The following PCDHA12 variants were observed in gnomAD, a reference collection of about 807,000 sequenced individuals.
PCDHA12 encodes protocadherin alpha-12.
PCDHA12 carries 44 observed loss-of-function variants against 60.0 expected under a neutral mutation model. The ratio of observed to expected loss-of-function variants is 0.73; its 90% CI spans 0.58 to 0.94. The LOEUF (loss-of-function observed/expected upper bound fraction) is 0.94, where lower values mean the gene tolerates loss of function less well. PCDHA12 is among the 40% of genes least tolerant of loss of function. The pLI is 0.00. For synonymous variants in PCDHA12, 569 were observed against 553.0 expected (o/e 1.03, Z -0.40); for missense variants, 1,276 against 1,239.7 (o/e 1.03, Z -0.44).
intron 1 of PCDHA12, among the ~76,000 whole-genome samples, chr5:140,878,484 A>G (rs1285844908): frequency 6.6e-6 from 1 of 152,190 alleles, no homozygotes; most frequent in African/African-American, 2.4e-5. Flanking sequence ...CAATTTAAAA[A>G]TATTTAACCA....
Position 140,876,184 on chromosome 5 carries a change from A to T in PCDHA12, c.712A>T (p.Asn238Tyr). The change falls in exon 1 of 4, where the codon AAT becomes TAT. Residue 238 changes from asparagine to tyrosine, a missense_variant. Transcript: ENST00000398631. ...IQITVLDVNDNGPAFDKPSYK... is the reference protein window; with the variant it reads ...IQITVLDVNDYGPAFDKPSYK... ...AATAACCGTCCTGGATGTGAATGAC[A>T]ATGGTCCGGCGTTTGATAAGCCCAG... 6.2e-7 allele frequency: 1 copy of T among 1,613,968 alleles called. No homozygotes were observed.
chr5:140,925,762 T>G (rs1172229426), intron 1 of PCDHA12, among the ~76,000 whole-genome samples: 3 of 152,052 alleles, frequency 2.0e-5, no homozygotes, highest in African/African-American at 7.2e-5. Flanking sequence ...ACAGAGTAGT[T>G]TCCTGGTCAA....
At chr5:141,009,001 A>G (rs1373262105) in intron 3 of PCDHA12, among the ~76,000 whole-genome samples, 1 of 152,246 alleles carries the variant, frequency 6.6e-6, no homozygotes, top group East Asian at 1.9e-4. Flanking sequence ...TAAAAGGAGC[A>G]TATTTTGCCT....
intron 1 of PCDHA12, among the ~76,000 whole-genome samples, chr5:140,943,845 C>A (rs59104695): frequency 3.3e-5 from 5 of 152,226 alleles, no homozygotes; most frequent in Admixed American, 1.3e-4. Flanking sequence ...TGTAAGATGT[C>A]ACAGAAGTCA....
intron 1 of PCDHA12, among the ~76,000 whole-genome samples, chr5:140,891,739 C>T (rs1433506044): frequency 4.6e-5 from 7 of 152,116 alleles, no homozygotes; most frequent in Non-Finnish European, 2.9e-5. Flanking sequence ...AATTCAATCC[C>T]TTATACAACA....
chr5:140,939,481 A>G (rs1554212745), intron 1 of PCDHA12, among the ~76,000 whole-genome samples: 2 of 152,206 alleles, frequency 1.3e-5, no homozygotes, highest in Non-Finnish European at 2.9e-5. Flanking sequence ...CTTCATGAGA[A>G]TGTTAATTAT....
chr5:141,007,481 T>C (rs2098332347), intron 3 of PCDHA12, among the ~76,000 whole-genome samples: 1 of 151,600 alleles, frequency 6.6e-6, no homozygotes, highest in Non-Finnish European at 1.5e-5. Context: ...GGCACGAGAA[T>C]TACTTGGACC....
chr5:140,929,307 C>T (rs149565434), intron 1 of PCDHA12: 10 of 1,570,046 alleles, frequency 6.4e-6, no homozygotes, highest in Admixed American at 1.8e-5. Context: ...AAGGGGATCA[C>T]GCTAATGTCA....
At chr5:140,895,437 C>A (rs1250254286) in intron 1 of PCDHA12, among the ~76,000 whole-genome samples, 3 of 152,172 alleles carry the variant, frequency 2.0e-5, no homozygotes, top group Non-Finnish European at 2.9e-5. Context: ...TCCTGAGACT[C>A]TTTTCATGTG....
At chr5:140,947,362 C>T (rs1378703066) in intron 1 of PCDHA12, among the ~76,000 whole-genome samples, 2 of 151,632 alleles carry the variant, frequency 1.3e-5, no homozygotes, top group Admixed American at 6.6e-5. Context: ...TATTTCACTC[C>T]TTTGATCTAT....
chr5:140,947,586 A>G (rs958279437), intron 1 of PCDHA12, among the ~76,000 whole-genome samples: 1 of 151,670 alleles, frequency 6.6e-6, no homozygotes, highest in Non-Finnish European at 1.5e-5. Context: ...TAACATTTAG[A>G]TCAATTTAGG....
intron 1 of PCDHA12, chr5:140,967,032 A>G (rs2096085772): frequency 6.2e-7 from 1 of 1,610,180 alleles, no homozygotes; most frequent in African/African-American, 1.3e-5. Context: ...AGTCCGCGCT[A>G]CCTGGAGCTG....
chr5:140,910,103 T>C (rs1485345908), intron 1 of PCDHA12, among the ~76,000 whole-genome samples: 2 of 152,192 alleles, frequency 1.3e-5, no homozygotes, highest in Admixed American at 6.5e-5. Flanking sequence ...CTCCCCTTCA[T>C]TTAAGGGATT....
chr5:140,983,966 C>A (rs782428444), intron 3 of PCDHA12, among the ~76,000 whole-genome samples: 1 of 152,048 alleles, frequency 6.6e-6, no homozygotes, highest in Non-Finnish European at 1.5e-5. Flanking sequence ...CACATTTGTC[C>A]AAAAAATATA....
Position 140,978,996 on chromosome 5 carries a change from A to C in PCDHA12, c.2415A>C (p.Ala805=). Residue 805 remains alanine, a synonymous_variant, in exon 2 of 4, where the codon GCA becomes GCC. Transcript: ENST00000398631. ...GGCGTTACTCTGCCTCCCTGAGAGC[A>C]GGCATGCACAGGTATGTATTTCCCT... ...PDWRYSASLR[A]GMHSSVHLEE... is the part of the protein sequence containing the mutation. 6.2e-7 allele frequency: 1 copy of C among 1,614,186 alleles called. No individual in the cohort carries two copies. The highest frequency in any genetic ancestry group is 8.5e-7 in the Non-Finnish European group (1 of 1,180,024).
chr5:141,001,022 T>C (rs2097984457), intron 3 of PCDHA12, among the ~76,000 whole-genome samples: 1 of 152,250 alleles, frequency 6.6e-6, no homozygotes, highest in Non-Finnish European at 1.5e-5. Context: ...TATACACTTA[T>C]AATAATAGCT....
chr5:140,966,918 A>T, intron 1 of PCDHA12: 1 of 1,602,744 alleles, frequency 6.2e-7, no homozygotes. Flanking sequence ...GTGCCAGAGG[A>T]GCAGGCACCC....
chr5:140,941,242 T>TC (rs1312617364), intron 1 of PCDHA12, among the ~76,000 whole-genome samples: 1 of 141,172 alleles, frequency 7.1e-6, no homozygotes, highest in East Asian at 2.0e-4. Flanking sequence ...TTTCTTTCTT[T>TC]CTTTCTTTCT....
chr5:140,964,099 C>T (rs2095809950), intron 1 of PCDHA12, among the ~76,000 whole-genome samples: 1 of 152,142 alleles, frequency 6.6e-6, no homozygotes, highest in South Asian at 2.1e-4. Flanking sequence ...TAATTAACAA[C>T]AGTCTGAGCA....
Sources: gnomAD v4.1 joint callset for allele counts (sites outside exome capture counted in the v4.1 genomes callset) on GRCh38, gnomAD v4.1.1 for gene constraint, MANE v1.5 for transcripts, NCBI Gene and HGNC (gene_info 2026-07-23, HGNC 2026-07-21) for gene names.